TMEM132D: variants seen among roughly 807,000 people sequenced by gnomAD.
The protein encoded by TMEM132D is mature OL transmembrane protein.
In TMEM132D, 21 loss-of-function variants were observed where a neutral mutation model predicts 62.3. The ratio of observed to expected loss-of-function variants is 0.34; its 90% confidence interval spans 0.24 to 0.49. TMEM132D has a LOEUF of 0.49. Ranked by LOEUF, TMEM132D falls within the 20% of genes least tolerant of loss-of-function variation. TMEM132D has a pLI of 0.99. For missense variants in TMEM132D, 1,346 were observed against 1,402.8 expected (o/e 0.96, Z 0.65); for synonymous variants, 621 against 575.6 (o/e 1.08, Z -1.13).
At chr12:129,711,383 T>C (rs1881639600) in intron 1 of TMEM132D, among the ~76,000 whole-genome samples, 1 of 152,126 alleles carries the variant, frequency 6.6e-6, no homozygotes, top group Non-Finnish European at 1.5e-5. Flanking sequence ...ATCAATCAGG[T>C]TCCAGGTGGA....
In TMEM132D at chr12:129,313,569, G is replaced by GTA. The variant is rs71451305; in HGVS notation, c.1299+24063_1299+24064dup. On this transcript the variant is annotated intron_variant, in intron 4 of 8. Transcript: ENST00000422113. ...GATATATATATATGTGTGTGTGTGTGTATATATATATATATATAAGTTTCT... is the reference window on the plus strand; with the variant it reads ...GATATATATATATGTGTGTGTGTGTGTATATATATATATATATATAAGTTTCT... Among the ~76,000 whole-genome samples, 78 of 148,464 alleles carry GTA rather than the reference G, an allele frequency of 5.3e-4. 1 individual carries two copies. The highest frequency in any genetic ancestry group is 7.0e-4 in the African/African-American group (28 of 40,230).
chr12:129,357,331 GAAAA>G (rs1295951316), intron 3 of TMEM132D, among the ~76,000 whole-genome samples: 1 of 144,758 alleles, frequency 6.9e-6, no homozygotes, highest in Non-Finnish European at 1.5e-5. Flanking sequence ...GGGAAGGAAA[GAAAA>G]AGAAAAGAAA....
intron 2 of TMEM132D, among the ~76,000 whole-genome samples, chr12:129,552,317 A>T (rs1256786890): frequency 6.6e-6 from 1 of 152,174 alleles, no homozygotes; most frequent in East Asian, 1.9e-4. Flanking sequence ...TCAATCCATT[A>T]TCTATATATC....
intron 1 of TMEM132D, among the ~76,000 whole-genome samples, chr12:129,721,671 C>T (rs1868836075): frequency 6.6e-6 from 1 of 152,108 alleles, no homozygotes; most frequent in Admixed American, 6.5e-5. Flanking sequence ...TGACAGATGA[C>T]CATAGGGGCA....
At chr12:129,082,376 C>T (rs1874483372) in intron 6 of TMEM132D, among the ~76,000 whole-genome samples, 1 of 152,178 alleles carries the variant, frequency 6.6e-6, no homozygotes, top group Non-Finnish European at 1.5e-5. Flanking sequence ...ATTGGATGGT[C>T]ACTTTCCTGG....
At chr12:129,551,332 T>C (rs1432384143) in intron 2 of TMEM132D, among the ~76,000 whole-genome samples, 1 of 152,212 alleles carries the variant, frequency 6.6e-6, no homozygotes, top group Non-Finnish European at 1.5e-5. Flanking sequence ...TGTTCTGAAG[T>C]GAAACTGGAA....
chr12:129,295,427 CTTT>C (rs556748373), intron 4 of TMEM132D, among the ~76,000 whole-genome samples: 5 of 122,986 alleles, frequency 4.1e-5, no homozygotes, highest in Non-Finnish European at 5.0e-5. Flanking sequence ...TCATATTAGC[CTTT>C]TTTTTTTTTT....
At chr12:129,738,715 T>C (rs1387862964) in intron 1 of TMEM132D, among the ~76,000 whole-genome samples, 2 of 152,130 alleles carry the variant, frequency 1.3e-5, no homozygotes, top group Non-Finnish European at 2.9e-5. Flanking sequence ...GGGCCTTTTA[T>C]AACAAAAGGC....
At chr12:129,466,064 G>A (rs149292014) in intron 3 of TMEM132D, among the ~76,000 whole-genome samples, 128 of 152,246 alleles carry the variant, frequency 8.4e-4, no homozygotes, top group African/African-American at 2.9e-3. Flanking sequence ...GACAATGCAA[G>A]TAAATTGCGT....
At chr12:129,507,877 TAGAA>T (rs1448603370) in intron 3 of TMEM132D, among the ~76,000 whole-genome samples, 1 of 152,088 alleles carries the variant, frequency 6.6e-6, no homozygotes, top group Non-Finnish European at 1.5e-5. Context: ...CATTAAAAAA[TAGAA>T]AGTCTATTGA....
At chr12:129,583,973 C>A (rs914916747) in intron 2 of TMEM132D, among the ~76,000 whole-genome samples, 1 of 152,098 alleles carries the variant, frequency 6.6e-6, no homozygotes, top group Admixed American at 6.5e-5. Context: ...GTTTCTGAAA[C>A]CTGTGAGCCT....
chr12:129,119,755 A>G (rs10734967), intron 5 of TMEM132D, among the ~76,000 whole-genome samples: 150,925 of 152,298 alleles, frequency 0.99, 74,788 homozygotes, highest in Middle Eastern at 1. Context: ...AGATACAGCC[A>G]TGAATGGTAG....
intron 4 of TMEM132D, among the ~76,000 whole-genome samples, chr12:129,307,508 ATATCC>A (rs1323185708): frequency 1.3e-5 from 2 of 152,172 alleles, no homozygotes; most frequent in African/African-American, 4.8e-5. Context: ...CAAAATGTAC[ATATCC>A]AAAACAAAAT....
At chr12:129,263,241 G>C (rs375171006) in intron 4 of TMEM132D, among the ~76,000 whole-genome samples, 1 of 152,058 alleles carries the variant, frequency 6.6e-6, no homozygotes, top group Non-Finnish European at 1.5e-5. Context: ...ATTCTGCTTT[G>C]TTGTGTCCTG....
chr12:129,619,775 A>G (rs1879014432), intron 2 of TMEM132D, among the ~76,000 whole-genome samples: 2 of 152,328 alleles, frequency 1.3e-5, no homozygotes, highest in South Asian at 2.1e-4. Context: ...AACTCGTTAA[A>G]CAACACTTCT....
chr12:129,137,256 CCAT>C (rs1432812193), intron 5 of TMEM132D, among the ~76,000 whole-genome samples: 1 of 151,552 alleles, frequency 6.6e-6, no homozygotes, highest in Non-Finnish European at 1.5e-5. Context: ...ATTATCACCA[CCAT>C]CAACATCACT....
chr12:129,528,999 T>C (rs910303629), intron 3 of TMEM132D, among the ~76,000 whole-genome samples: 1 of 152,250 alleles, frequency 6.6e-6, no homozygotes, highest in South Asian at 2.1e-4. Context: ...ATATGTGTTC[T>C]ATATGCATAT....
At chr12:129,810,703 A>G (rs1872147064) in intron 1 of TMEM132D, among the ~76,000 whole-genome samples, 1 of 152,220 alleles carries the variant, frequency 6.6e-6, no homozygotes, top group Admixed American at 6.5e-5. Flanking sequence ...ATCTTGACTG[A>G]GTGGTATCAT....
chr12:129,169,945 A>T, intron 5 of TMEM132D: 1 of 152,236 alleles, frequency 6.6e-6, no homozygotes, highest in East Asian at 1.9e-4. Flanking sequence ...CTAACACATT[A>T]CATCAAATAC....
Sources: allele counts gnomAD v4.1 joint callset (sites outside exome capture counted in the v4.1 genomes callset), GRCh38; gene constraint gnomAD v4.1.1; transcripts MANE v1.5; gene names NCBI Gene and HGNC (gene_info 2026-07-23, HGNC 2026-07-21).